HNRNPUL2: variants seen among roughly 807,000 people sequenced by gnomAD.
HNRNPUL2 encodes heterogeneous nuclear ribonucleoprotein U like 2, also known as heterogeneous nuclear ribonucleoprotein U-like protein 2.
HNRNPUL2 carries 27 observed loss-of-function variants against 102.2 expected under a neutral mutation model. That is an observed-to-expected ratio of 0.26 (90% confidence interval 0.19 to 0.36). The LOEUF is 0.36. Ranked by LOEUF, HNRNPUL2 falls within the 10% of genes least tolerant of loss-of-function variation. The pLI is 1.00. For missense variants in HNRNPUL2, 936 were observed against 981.1 expected (o/e 0.95, Z 0.61); for synonymous variants, 458 against 387.2 (o/e 1.18, Z -2.15).
At chr11:62,725,824 CA>C (rs1199630069) in intron 1 of HNRNPUL2, among the ~76,000 whole-genome samples, 1 of 152,202 alleles carries the variant, frequency 6.6e-6, no homozygotes, top group Non-Finnish European at 1.5e-5. Context: ...ACCTCTTCCA[CA>C]AGGTTACTCA....
intron 2 of HNRNPUL2, 53 bp downstream of exon 2, chr11:62,724,238 A>G: frequency 4.3e-6 from 7 of 1,609,486 alleles, no homozygotes; most frequent in Non-Finnish European, 6.0e-6. Context: ...AATACCAGGT[A>G]TACCAAAATC....
chr11:62,727,317 G>T lies in HNRNPUL2; in HGVS notation c.-161C>A. 1 of 904,240 alleles carries T rather than the reference G, an allele frequency of 1.1e-6. No individual in the cohort carries two copies. The highest frequency in any genetic ancestry group is 1.4e-6 in the Non-Finnish European group (1 of 697,234). The allele number at this position is 904,240 out of a possible 1,614,324, so 56.0% of individuals were successfully genotyped here. Reference sequence around the variant, plus strand: ...GCACGCAGGAGCGGAGGCCGCGCACGGTCCCGCTGCGCAGTGTTTGCTTCT... The same window carrying T: ...GCACGCAGGAGCGGAGGCCGCGCACTGTCCCGCTGCGCAGTGTTTGCTTCT... On this transcript the variant is annotated 5_prime_UTR_variant, in exon 1 of 14. Transcript: ENST00000301785.
chr11:62,713,396 A>G lies in HNRNPUL2; in HGVS notation c.*1903T>C, dbSNP rs1364190611. On this transcript the variant is annotated 3_prime_UTR_variant, in exon 14 of 14. Coordinates refer to ENST00000301785, the MANE Select transcript of HNRNPUL2 (RefSeq NM_001079559.3). Reference sequence around the variant, plus strand: ...TGACATTATAAGCAAAGCTTTCTCAAACTCCCTTAATAATAATACAAAGTT... The same window carrying G: ...TGACATTATAAGCAAAGCTTTCTCAGACTCCCTTAATAATAATACAAAGTT... 6.6e-6 allele frequency: 1 copy of G among 152,190 alleles called. No individual in the cohort carries two copies. The highest frequency in any genetic ancestry group is 1.5e-5 in the Non-Finnish European group (1 of 68,054). The allele number at this position is 152,190 out of a possible 1,614,324, so 9.4% of individuals were successfully genotyped here.
rs1019165998 is a variant in HNRNPUL2, at chr11:62,714,932, A to G, written c.*367T>C. On this transcript the variant is annotated 3_prime_UTR_variant, in exon 14 of 14. Coordinates refer to ENST00000301785, the MANE Select transcript of HNRNPUL2 (RefSeq NM_001079559.3). ...ACTTGGCTGCCAGTCCAGCTGCCTC[A>G]GAATGTCAGAAGGGTGCCATTTTCA... 18 of 187,428 alleles carry G rather than the reference A, an allele frequency of 9.6e-5. No homozygotes were observed. The highest frequency in any genetic ancestry group is 1.1e-4 in the Admixed American group (2 of 17,634). 11.6% of individuals were successfully genotyped at this position (187,428 alleles called of 1,614,324 possible).
chr11:62,718,078 G>A (rs1304509005), intron 10 of HNRNPUL2, among the ~76,000 whole-genome samples: 1 of 152,094 alleles, frequency 6.6e-6, no homozygotes, highest in African/African-American at 2.4e-5. Flanking sequence ...TTCATTCTCA[G>A]TAAACTCTGA....
chr11:62,715,224 G>A lies in HNRNPUL2; in HGVS notation c.*75C>T, dbSNP rs367770092. Reference sequence around the variant, plus strand: ...CACCCCGACAGCCCCTGTTTTCCTTGGTTGTGTTTTGCGGGGGTGCCTGGC... The same window carrying A: ...CACCCCGACAGCCCCTGTTTTCCTTAGTTGTGTTTTGCGGGGGTGCCTGGC... On this transcript the variant is annotated 3_prime_UTR_variant, in exon 14 of 14. Transcript: ENST00000301785. The A allele has an allele frequency of 9.4e-6, 9 of 962,008 alleles. No homozygotes were observed. The East Asian group carries it at 2.8e-4, about 30-fold the overall frequency. The allele number at this position is 962,008 out of a possible 1,614,324, so 59.6% of individuals were successfully genotyped here.
chr11:62,716,508 A>T (rs1200731459), intron 11 of HNRNPUL2, among the ~76,000 whole-genome samples: 4 of 152,212 alleles, frequency 2.6e-5, no homozygotes, highest in African/African-American at 9.6e-5. Flanking sequence ...GGGGAAAATT[A>T]ATTCTACTAA....
intron 4 of HNRNPUL2, 125 bp from the exon 5 acceptor site, chr11:62,723,028 C>T: frequency 4.3e-6 from 3 of 693,810 alleles, no homozygotes; most frequent in Non-Finnish European, 7.4e-6. Context: ...ATCAGAATAA[C>T]AATCACTGAA....
intron 12 of HNRNPUL2, 107 bp downstream of exon 12, chr11:62,715,757 G>A: frequency 1.7e-6 from 2 of 1,196,292 alleles, no homozygotes; most frequent in Non-Finnish European, 1.2e-6. Context: ...ATATTAAATG[G>A]GCAAAACCCT....
Position 62,727,110 on chromosome 11 carries a change from T to A in HNRNPUL2, c.47A>T (p.Gln16Leu). The stretch of plus-strand genomic sequence containing the variant: ...GCCGCGCGAGTCCAGGCCCCGCCGC[T>A]GCAGCTCCGACCGCAGCTCGGTCAC... ...LKVTELRSELQRRGLDSRGLK... is the reference protein window; with the variant it reads ...LKVTELRSELLRRGLDSRGLK... Residue 16 changes from glutamine to leucine, a missense_variant, in exon 1 of 14, where the codon CAG becomes CTG. Gln to Leu is a moderately radical substitution (Grantham distance 113, BLOSUM62 -2). This residue lies in a region of HNRNPUL2 where 327 missense variants were observed against 268.1 expected (regional missense o/e 1.22). Coordinates refer to ENST00000301785, the MANE Select transcript of HNRNPUL2 (RefSeq NM_001079559.3). 6.9e-7 allele frequency: 1 copy of A among 1,446,956 alleles called. No homozygotes were observed. Among genetic ancestry groups the A allele is most frequent in the Middle Eastern group, 2.1e-4 (1 of 4,832 alleles). 89.6% of individuals were successfully genotyped at this position (1,446,956 alleles called of 1,614,324 possible).
rs1168639318 is a variant in HNRNPUL2 at position 62,712,777 on chromosome 11, C to G, written c.*2522G>C. 1 of 152,026 alleles carries G rather than the reference C, an allele frequency of 6.6e-6. No homozygotes were observed. The highest frequency in any genetic ancestry group is 2.4e-5 in the African/African-American group (1 of 41,400). 9.4% of individuals were successfully genotyped at this position (152,026 alleles called of 1,614,324 possible). The stretch of plus-strand genomic sequence containing the variant: ...CATTTTTTTTTTAAATGGTAAAACC[C>G]CTTTTTACTGGCCACTTCCAAGAAT... On this transcript the variant is annotated 3_prime_UTR_variant, in exon 14 of 14. Transcript: ENST00000301785.
chr11:62,720,863 CAAAAAA>C (rs10615770), intron 9 of HNRNPUL2, among the ~76,000 whole-genome samples: 5 of 77,282 alleles, frequency 6.5e-5, no homozygotes, highest in South Asian at 5.7e-4. Flanking sequence ...GACTCGGTCT[CAAAAAA>C]AAAAAAAAAA....
chr11:62,727,143 C>A lies in HNRNPUL2; in HGVS notation c.14G>T (p.Arg5Leu). 6.9e-7 allele frequency: 1 copy of A among 1,441,182 alleles called. No individual in the cohort carries two copies. The highest frequency in any genetic ancestry group is 9.1e-7 in the Non-Finnish European group (1 of 1,099,250). The allele number at this position is 1,441,182 out of a possible 1,614,324, so 89.3% of individuals were successfully genotyped here. The change falls in exon 1 of 14, where the codon CGG becomes CTG. Residue 5 changes from arginine to leucine, a missense_variant. Arg to Leu is a moderately radical substitution (Grantham distance 102, BLOSUM62 -2). Coordinates refer to ENST00000301785, the MANE Select transcript of HNRNPUL2 (RefSeq NM_001079559.3). Reference sequence around the variant, plus strand: ...CGACCGCAGCTCGGTCACTTTCAGCCGCTTCACCTCCATCGCCGCCGCCGC... The same window carrying A: ...CGACCGCAGCTCGGTCACTTTCAGCAGCTTCACCTCCATCGCCGCCGCCGC... MEVKRLKVTELRSEL... is the reference protein window; with the variant it reads MEVKLLKVTELRSEL...
intron 4 of HNRNPUL2, 114 bp downstream of exon 4, chr11:62,723,473 A>G: frequency 8.7e-7 from 1 of 1,155,284 alleles, no homozygotes; most frequent in Non-Finnish European, 1.2e-6. Context: ...CCTGGGTAAC[A>G]AGAGCGAAAC....
chr11:62,725,730 ACT>A (rs899554893), intron 1 of HNRNPUL2, among the ~76,000 whole-genome samples: 4 of 152,162 alleles, frequency 2.6e-5, no homozygotes, highest in African/African-American at 4.8e-5. Flanking sequence ...TCGGACACAC[ACT>A]GTTATGGATC....
rs1255254358 is a variant in HNRNPUL2, at chr11:62,714,882, C to G, written c.*417G>C. 1 of 175,270 alleles carries G rather than the reference C, an allele frequency of 5.7e-6. No homozygotes were observed. Among genetic ancestry groups the G allele is most frequent in the Non-Finnish European group, 1.2e-5 (1 of 82,026 alleles). 10.9% of individuals were successfully genotyped at this position (175,270 alleles called of 1,614,324 possible). On this transcript the variant is annotated 3_prime_UTR_variant, in exon 14 of 14. Coordinates refer to ENST00000301785, the MANE Select transcript of HNRNPUL2 (RefSeq NM_001079559.3). ...CCCTCGCGCTGCCTCCCCACCCTCC[C>G]CACACCACCTCATCACTCTCCTTTA...
chr11:62,720,031 T>G lies in HNRNPUL2; in HGVS notation c.1772A>C (p.Glu591Ala). ...GDDVPESIML[E>A]MKANFSLPEK... ...TGGACTAAGACACCCACCTTTCATC[T>G]CCAGCATTATAGATTCAGGCACATC... Residue 591 changes from glutamate (E) to alanine (A), a missense_variant, in exon 10 of 14, where the codon GAG becomes GCG. This residue lies in a region of HNRNPUL2 where 609 missense variants were observed against 713.0 expected (regional missense o/e 0.85). Coordinates refer to ENST00000301785, the MANE Select transcript of HNRNPUL2 (RefSeq NM_001079559.3). 6.2e-7 allele frequency: 1 copy of G among 1,614,066 alleles called. No individual in the cohort carries two copies. Among genetic ancestry groups the G allele is most frequent in the Non-Finnish European group, 8.5e-7 (1 of 1,179,932 alleles).
intron 8 of HNRNPUL2, 34 bp downstream of exon 8, chr11:62,721,786 T>C (rs2083704785): frequency 3.1e-6 from 5 of 1,611,062 alleles, no homozygotes; most frequent in Non-Finnish European, 4.2e-6. Context: ...AGTCTCCAAA[T>C]ACTGTATCCG....
chr11:62,726,908 C>CTCCTCCTCCTCTTCG lies in HNRNPUL2; in HGVS notation c.234_248dup (p.Asp78_Glu82dup). The CTCCTCCTCCTCTTCG allele has an allele frequency of 6.5e-7, 1 of 1,546,552 alleles. No individual in the cohort carries two copies. The highest frequency in any genetic ancestry group is 8.6e-7 in the Non-Finnish European group (1 of 1,156,444). ...CCTCAAGCAGCGCCTCCTCGTCCTC[C>CTCCTCCTCCTCTTCG]TCCTCCTCCTCTTCGTCCTCCTCCT... On this transcript the variant is annotated inframe_insertion, in exon 1 of 14. Coordinates refer to ENST00000301785, the MANE Select transcript of HNRNPUL2 (RefSeq NM_001079559.3).
Sources: allele counts gnomAD v4.1 joint callset (sites outside exome capture counted in the v4.1 genomes callset), GRCh38; gene constraint gnomAD v4.1.1; regional missense constraint gnomAD v4.1.1; transcripts MANE v1.5; gene names NCBI Gene and HGNC (gene_info 2026-07-23, HGNC 2026-07-21).